CNTN3: variants seen among roughly 807,000 people sequenced by gnomAD.
CNTN3 encodes contactin-3.
Under a neutral mutation model 119.1 loss-of-function variants are expected in CNTN3, and 60 were observed. The ratio of observed to expected loss-of-function variants is 0.50; its 90% CI spans 0.41 to 0.62. The LOEUF is 0.62. Among genes scored for constraint, CNTN3 ranks in the 20% least tolerant of loss-of-function variants. The pLI is 0.00. For missense variants in CNTN3, 1,101 were observed against 1,242.4 expected (o/e 0.89, Z 1.71); for synonymous variants, 450 against 438.7 (o/e 1.03, Z -0.32).
chr3:74,492,080 A>T (rs763148955), intron 3 of CNTN3, among the ~76,000 whole-genome samples: 6 of 152,134 alleles, frequency 3.9e-5, no homozygotes, highest in Non-Finnish European at 8.8e-5. Context: ...ACTGTTGCAT[A>T]ATTATCATGT....
chr3:74,486,672 T>C (rs768501895), intron 3 of CNTN3, 41 bp from the exon 4 acceptor site: 1 of 1,462,586 alleles, frequency 6.8e-7, no homozygotes, highest in Non-Finnish European at 9.0e-7. Flanking sequence ...TTAGTATTTT[T>C]AACTTAAAAG....
intron 20 of CNTN3, among the ~76,000 whole-genome samples, chr3:74,268,592 C>T (rs1701708352): frequency 6.6e-6 from 1 of 152,060 alleles, no homozygotes; most frequent in South Asian, 2.1e-4. Context: ...TTCTATGTTG[C>T]CTTTAAAATT....
intron 4 of CNTN3, among the ~76,000 whole-genome samples, chr3:74,461,653 T>G (rs879386677): frequency 2.6e-5 from 4 of 152,094 alleles, no homozygotes; most frequent in Non-Finnish European, 4.4e-5. Context: ...TGCAATTTTA[T>G]TTCAATCCTT....
intron 4 of CNTN3, among the ~76,000 whole-genome samples, chr3:74,478,378 G>A (rs1361745475): frequency 3.3e-5 from 5 of 152,096 alleles, no homozygotes; most frequent in African/African-American, 1.2e-4. Context: ...CACTAGAAGA[G>A]AAGAGGCTTA....
At chr3:74,555,650 T>C (rs556270470) in intron 1 of CNTN3, among the ~76,000 whole-genome samples, 18 of 152,346 alleles carry the variant, frequency 1.2e-4, no homozygotes, top group African/African-American at 4.1e-4. Flanking sequence ...GGAGGACATA[T>C]GTGTCCAGGA....
chr3:74,441,925 G>C (rs1407437270), intron 4 of CNTN3, among the ~76,000 whole-genome samples: 1 of 151,984 alleles, frequency 6.6e-6, no homozygotes, highest in Admixed American at 6.6e-5. Flanking sequence ...CCATAAGCTT[G>C]ACTTTCTACA....
chr3:74,525,971 A>AAATG, intron 1 of CNTN3, among the ~76,000 whole-genome samples: 1 of 152,014 alleles, frequency 6.6e-6, no homozygotes, highest in South Asian at 2.1e-4. Context: ...TCATCTTGGC[A>AAATG]AATGCTGAGA....
intron 13 of CNTN3, among the ~76,000 whole-genome samples, chr3:74,309,364 C>A (rs1272068715): frequency 1.3e-5 from 2 of 152,120 alleles, no homozygotes; most frequent in African/African-American, 2.4e-5. Flanking sequence ...CTTGGCCATT[C>A]TCCTTGATTT....
intron 1 of CNTN3, among the ~76,000 whole-genome samples, chr3:74,592,861 C>T (rs1160974647): frequency 6.6e-6 from 1 of 151,970 alleles, no homozygotes; most frequent in Non-Finnish European, 1.5e-5. Context: ...AAAAGAGATT[C>T]TCTTATTTTA....
chr3:74,353,085 G>A (rs1274716317), intron 11 of CNTN3, among the ~76,000 whole-genome samples: 2 of 152,164 alleles, frequency 1.3e-5, no homozygotes, highest in Non-Finnish European at 2.9e-5. Flanking sequence ...GTAAGGGAAG[G>A]GGAAAGAGAT....
rs114022087 is a variant in CNTN3 at position 74,304,751 on chromosome 3, A to T, written c.1669-1944T>A. ...TTCCTAAAGAAATGTAGTCAGGGGA[A>T]ATATAATTTTTAATTATCCTTTTAC... On this transcript the variant is annotated intron_variant, in intron 13 of 22. Coordinates refer to ENST00000263665, the MANE Select transcript of CNTN3 (RefSeq NM_020872.3). Among the ~76,000 whole-genome samples the T allele has an allele frequency of 5.8e-3, 891 of 152,310 alleles. 4 individuals are homozygous for T. The highest frequency in any genetic ancestry group is 9.0e-3 in the Non-Finnish European group (615 of 68,032).
At chr3:74,334,988 A>G in intron 12 of CNTN3, 78 bp from the exon 13 acceptor site, 2 of 1,054,900 alleles carry the variant, frequency 1.9e-6, no homozygotes, top group Non-Finnish European at 2.8e-6. Flanking sequence ...CTGTTCATCT[A>G]ACTTATACTG....
chr3:74,516,987 C>T (rs1003498762), intron 2 of CNTN3, among the ~76,000 whole-genome samples: 7 of 151,848 alleles, frequency 4.6e-5, no homozygotes, highest in Non-Finnish European at 2.9e-5. Flanking sequence ...GAACCCTGGC[C>T]ACAGTTCCTG....
intron 3 of CNTN3, among the ~76,000 whole-genome samples, chr3:74,493,806 CTAGT>C (rs1355982245): frequency 2.6e-5 from 4 of 152,202 alleles, no homozygotes; most frequent in Middle Eastern, 3.4e-3. Context: ...CCAAAAATAA[CTAGT>C]TAGACTTCAG....
chr3:74,415,452 C>A (rs530462669), intron 5 of CNTN3, among the ~76,000 whole-genome samples: 2 of 152,212 alleles, frequency 1.3e-5, no homozygotes, highest in Non-Finnish European at 2.9e-5. Flanking sequence ...CGTGACAGCC[C>A]CAGGGACAGC....
chr3:74,273,119 T>A (rs1402424673), intron 20 of CNTN3, among the ~76,000 whole-genome samples: 1 of 152,164 alleles, frequency 6.6e-6, no homozygotes, highest in East Asian at 1.9e-4. Flanking sequence ...GACTGGACAA[T>A]TATACAATTA....
intron 13 of CNTN3, among the ~76,000 whole-genome samples, chr3:74,332,988 G>A (rs138404051): frequency 2.6e-5 from 4 of 152,264 alleles, no homozygotes; most frequent in East Asian, 1.9e-4. Context: ...TCAGAATATG[G>A]CCTATGCCTT....
rs974620831 is a variant in CNTN3 at position 74,353,523 on chromosome 3, G to C, written c.1364+8367C>G. On this transcript the variant is annotated intron_variant, in intron 11 of 22. Coordinates refer to ENST00000263665, the MANE Select transcript of CNTN3 (RefSeq NM_020872.3). ...TGTAATCCCAGCACTTTGGGAGGCC[G>C]AGACGGGTGGATCACGAGGTCAGGA... Among the ~76,000 whole-genome samples, 6 of 152,318 alleles carry C rather than the reference G, an allele frequency of 3.9e-5. No homozygotes were observed. In the South Asian group the frequency reaches 1.2e-3, roughly 32 times the overall value.
intron 1 of CNTN3, among the ~76,000 whole-genome samples, chr3:74,613,507 T>A (rs1322547672): frequency 2.0e-5 from 3 of 152,072 alleles, no homozygotes; most frequent in Non-Finnish European, 2.9e-5. Context: ...TTGCTGTCCT[T>A]ACCGTAGCGG....
Sources: gnomAD v4.1 joint callset for allele counts (sites outside exome capture counted in the v4.1 genomes callset) on GRCh38, gnomAD v4.1.1 for gene constraint, MANE v1.5 for transcripts, NCBI Gene and HGNC (gene_info 2026-07-23, HGNC 2026-07-21) for gene names.